The following FYB1 variants were observed in gnomAD, a reference collection of about 807,000 sequenced individuals.
FYB1 encodes FYN-binding protein 1.
Under a neutral mutation model 94.1 loss-of-function variants are expected in FYB1, and 41 were observed. The ratio of observed to expected loss-of-function variants is 0.44; its 90% CI spans 0.34 to 0.57. FYB1 has a LOEUF of 0.57. Among genes scored for constraint, FYB1 ranks in the 20% least tolerant of loss-of-function variants. FYB1 has a pLI of 0.02. For missense variants in FYB1, 1,050 were observed against 976.8 expected (o/e 1.07, Z -1.00); for synonymous variants, 367 against 353.2 (o/e 1.04, Z -0.44).
At chr5:39,138,636 G>A in intron 6 of FYB1, 21 bp downstream of exon 6, 1 of 1,474,002 alleles carries the variant, frequency 6.8e-7, no homozygotes, top group Non-Finnish European at 9.4e-7. Context: ...AAACTGTCAT[G>A]GTAAAAAATG....
At chr5:39,199,941 T>C (rs987146808) in intron 2 of FYB1, among the ~76,000 whole-genome samples, 8 of 152,238 alleles carry the variant, frequency 5.3e-5, no homozygotes, top group Non-Finnish European at 1.2e-4. Flanking sequence ...GATTGCTTAA[T>C]CCAGATATCA....
intron 2 of FYB1, among the ~76,000 whole-genome samples, chr5:39,178,881 T>G (rs1703884168): frequency 1.3e-5 from 2 of 152,214 alleles, no homozygotes; most frequent in Non-Finnish European, 2.9e-5. Context: ...AAATCCTTTA[T>G]GTTAGGAAAC....
At chr5:39,236,225 AAAT>A (rs1750959681) in intron 1 of FYB1, among the ~76,000 whole-genome samples, 1 of 152,100 alleles carries the variant, frequency 6.6e-6, no homozygotes, top group African/African-American at 2.4e-5. Context: ...ATAAATATGA[AAAT>A]AATCACTAGA....
chr5:39,155,826 G>T (rs1743697036), intron 2 of FYB1, among the ~76,000 whole-genome samples: 1 of 152,018 alleles, frequency 6.6e-6, no homozygotes, highest in Non-Finnish European at 1.5e-5. Flanking sequence ...TGCACCATTT[G>T]TCTGATAAGC....
intron 9 of FYB1, among the ~76,000 whole-genome samples, chr5:39,132,175 C>T (rs1203819249): frequency 6.6e-6 from 1 of 152,148 alleles, no homozygotes; most frequent in African/African-American, 2.4e-5. Flanking sequence ...GCACTCACAG[C>T]CATTGCTCTT....
chr5:39,191,844 A>G (rs1171017226), intron 2 of FYB1, among the ~76,000 whole-genome samples: 3 of 152,236 alleles, frequency 2.0e-5, no homozygotes, highest in Non-Finnish European at 4.4e-5. Context: ...TTGTAAAAAT[A>G]GATAGATGGA....
intron 17 of FYB1, among the ~76,000 whole-genome samples, chr5:39,109,695 C>T (rs764239795): frequency 4.6e-5 from 7 of 152,108 alleles, no homozygotes; most frequent in East Asian, 1.9e-4. Flanking sequence ...TGCATTGGCA[C>T]GTGACCTAAC....
At chr5:39,154,212 T>C (rs1457785776) in intron 2 of FYB1, among the ~76,000 whole-genome samples, 1 of 152,210 alleles carries the variant, frequency 6.6e-6, no homozygotes, top group African/African-American at 2.4e-5. Flanking sequence ...ACCTAAAAAA[T>C]TTCTAGGTTC....
At chr5:39,250,406 C>T (rs1187638246) in intron 1 of FYB1, among the ~76,000 whole-genome samples, 4 of 152,158 alleles carry the variant, frequency 2.6e-5, no homozygotes, top group Admixed American at 1.3e-4. Flanking sequence ...CGAGGAAAGA[C>T]TATCAAATGC....
chr5:39,213,329 G>T (rs1013823083), intron 1 of FYB1, among the ~76,000 whole-genome samples: 1 of 152,088 alleles, frequency 6.6e-6, no homozygotes, highest in African/African-American at 2.4e-5. Flanking sequence ...CATTGTCTTT[G>T]TCATATAGTT....
intron 3 of FYB1, 26 bp downstream of exon 3, chr5:39,153,422 A>G (rs1203559975): frequency 6.2e-7 from 1 of 1,610,980 alleles, no homozygotes. Flanking sequence ...ACTAGGAAAG[A>G]AATCGCAAGA....
In FYB1 at chr5:39,179,749, G is replaced by C. The variant is rs151192814; in HGVS notation, c.1135+22077C>G. On this transcript the variant is annotated intron_variant, in intron 2 of 18. Transcript: ENST00000512982. ...CCACCTTGGCCTCCCAAAGTGTTGA[G>C]ATTACAGGCATGAGTGACCACGCCC... is the stretch of plus-strand genomic sequence containing the variant. Among the ~76,000 whole-genome samples, 499 of 152,122 alleles carry C rather than the reference G, an allele frequency of 3.3e-3. 1 individual carries two copies. Among genetic ancestry groups the C allele is most frequent in the African/African-American group, 0.011 (472 of 41,510 alleles).
chr5:39,159,258 G>A (rs1363099079), intron 2 of FYB1, among the ~76,000 whole-genome samples: 2 of 152,080 alleles, frequency 1.3e-5, no homozygotes, highest in Non-Finnish European at 2.9e-5. Context: ...CTGGCAACTC[G>A]GCATATAGAC....
chr5:39,143,191 CAG>C (rs1742336432), intron 3 of FYB1, among the ~76,000 whole-genome samples: 1 of 152,092 alleles, frequency 6.6e-6, no homozygotes, highest in Non-Finnish European at 1.5e-5. Flanking sequence ...GTCCTACAGC[CAG>C]TTCTGTATTA....
At chr5:39,203,313 T>C (rs1748548164) in intron 1 of FYB1, among the ~76,000 whole-genome samples, 1 of 152,248 alleles carries the variant, frequency 6.6e-6, no homozygotes, top group Non-Finnish European at 1.5e-5. Context: ...TTATTTATTT[T>C]TAAAGTTTCA....
rs574325505 is a variant in FYB1 at position 39,258,662 on chromosome 5, A to G, written c.-28+15741T>C. On this transcript the variant is annotated intron_variant, in intron 1 of 1. Transcript: ENST00000510188. ...AAAAACCCAGAAGATATGGAGCTAA[A>G]GGGAAATGCAGGAAAAGAGATGGAG... 2.6e-5 allele frequency among the ~76,000 whole-genome samples: 4 copies of G among 152,282 alleles called. No homozygotes were observed. In the South Asian group the frequency reaches 8.3e-4, roughly 32 times the overall value.
At chr5:39,148,741 A>G (rs1307061342) in intron 3 of FYB1, among the ~76,000 whole-genome samples, 1 of 152,128 alleles carries the variant, frequency 6.6e-6, no homozygotes, top group Non-Finnish European at 1.5e-5. Context: ...CAGAAACCAA[A>G]AAACCCTTTA....
chr5:39,112,444 A>T (rs954907205), intron 16 of FYB1, among the ~76,000 whole-genome samples: 3 of 152,086 alleles, frequency 2.0e-5, no homozygotes, highest in African/African-American at 7.2e-5. Context: ...ACAGTCTCTG[A>T]GCTAAAATTG....
rs567499135 is a variant in FYB1 at position 39,210,825 on chromosome 5, AC to A, written c.-27-7839del. 3.3e-5 allele frequency among the ~76,000 whole-genome samples: 5 copies of A among 152,326 alleles called. No individual in the cohort carries two copies. In the South Asian group the frequency reaches 1.0e-3, roughly 32 times the overall value. On this transcript the variant is annotated intron_variant, in intron 1 of 18. Coordinates refer to ENST00000512982, the MANE Select transcript of FYB1 (RefSeq NM_001465.6). The stretch of plus-strand genomic sequence containing the variant: ...CAAGGGTTTGAGTTCATCCTAAGCA[AC>A]GTGGCGAGAGCCTGTCTCTAGTATA...
Sources: allele counts gnomAD v4.1 joint callset (sites outside exome capture counted in the v4.1 genomes callset), GRCh38; gene constraint gnomAD v4.1.1; transcripts MANE v1.5; gene names NCBI Gene and HGNC (gene_info 2026-07-23, HGNC 2026-07-21).